The following HDAC11 variants were observed in gnomAD, a reference collection of about 807,000 sequenced individuals.
HDAC11 encodes histone deacetylase 11.
In HDAC11, 23 loss-of-function variants were observed where a neutral mutation model predicts 41.1. The observed-to-expected ratio is 0.56, with a 90% CI of 0.40 to 0.79. The LOEUF (loss-of-function observed/expected upper bound fraction) is 0.79. Among genes scored for constraint, HDAC11 ranks in the 30% least tolerant of loss-of-function variants. The pLI is 0.00. For missense variants in HDAC11, 402 were observed against 477.3 expected (o/e 0.84, Z 1.47); for synonymous variants, 187 against 186.6 (o/e 1.00, Z -0.02).
At chr3:13,487,380 T>C (rs762615412) in intron 3 of HDAC11, among the ~76,000 whole-genome samples, 6 of 152,190 alleles carry the variant, frequency 3.9e-5, no homozygotes, top group Non-Finnish European at 7.3e-5. Context: ...CTCATCCCAT[T>C]CTACCCCCAA....
At chr3:13,486,812 C>G (rs1033059354) in intron 3 of HDAC11, among the ~76,000 whole-genome samples, 4 of 152,094 alleles carry the variant, frequency 2.6e-5, no homozygotes, top group African/African-American at 7.2e-5. Context: ...CTCCTGACCT[C>G]AAGCAATCCA....
rs945178430 is a variant in HDAC11, at chr3:13,504,677, G to C, written c.1038G>C (p.Val346=). ...NSDTPLLPPA[V]P ...ACACACCGCTGCTTCCCCCTGCAGT[G>C]CCCTGACCCTTGCTGCCCTGCCTGT... Residue 346 remains valine (V), a synonymous_variant, in exon 10 of 10, where the codon GTG becomes GTC. Coordinates refer to ENST00000295757, the MANE Select transcript of HDAC11 (RefSeq NM_024827.4). 3.7e-6 allele frequency: 6 copies of C among 1,613,384 alleles called. No individual in the cohort carries two copies. In the African/African-American group the frequency reaches 8.0e-5, roughly 22 times the overall value.
intron 8 of HDAC11, chr3:13,503,230 AAAAG>A (rs1221896898): frequency 9.1e-6 from 3 of 331,062 alleles, no homozygotes; most frequent in African/African-American, 2.1e-5. Flanking sequence ...TGAAAGAAAA[AAAAG>A]AAAAATAGGA....
intron 3 of HDAC11, among the ~76,000 whole-genome samples, chr3:13,484,442 G>T (rs950582831): frequency 1.3e-5 from 2 of 152,214 alleles, no homozygotes; most frequent in African/African-American, 2.4e-5. Context: ...CCAAGGGGCG[G>T]CTCCTCAGCT....
chr3:13,496,663 C>A (rs775671294), intron 3 of HDAC11, 73 bp from the exon 4 acceptor site: 1 of 962,034 alleles, frequency 1.0e-6, no homozygotes, highest in Non-Finnish European at 1.6e-6. Flanking sequence ...AGGCATTTCC[C>A]GGGGAACCAA....
intron 3 of HDAC11, among the ~76,000 whole-genome samples, chr3:13,494,211 T>C (rs1701987328): frequency 6.6e-6 from 1 of 152,234 alleles, no homozygotes; most frequent in South Asian, 2.1e-4. Context: ...CTGCATTGTC[T>C]TCCAGTCTGT....
In HDAC11 at chr3:13,502,840, C is replaced by T; in HGVS notation, c.553-44C>T. 1.3e-6 allele frequency: 2 copies of T among 1,517,642 alleles called. No homozygotes were observed. The highest frequency in any genetic ancestry group is 1.8e-6 in the Non-Finnish European group (2 of 1,094,888). The allele number at this position is 1,517,642 out of a possible 1,614,324, so 94.0% of individuals were successfully genotyped here. ...GGTGGGTGGCAGAGCCCCAGCCTTG[C>T]CTAGGGCACCTACCCGAGAGCGGCT... On this transcript the variant is annotated intron_variant, in intron 7 of 9. Coordinates refer to ENST00000295757, the MANE Select transcript of HDAC11 (RefSeq NM_024827.4). The surrounding 1 kb of genome is among the most constrained non-coding windows in gnomAD (Gnocchi z 4.1).
At position 13,504,497 on chromosome 3, in the gene HDAC11, C is replaced by A; in HGVS notation, c.858C>A (p.Phe286Leu). The stretch of plus-strand genomic sequence containing the variant: ...TCGTGAAGCGGGATGAGCTGGTGTT[C>A]CGGATGGTCCGTGGCCGCCGGGTGC... ...AGIVKRDELV[F>L]RMVRGRRVPI... Residue 286 changes from phenylalanine to leucine, a missense_variant, in exon 10 of 10, where the codon TTC (phenylalanine) becomes TTA (leucine). Coordinates refer to ENST00000295757, the MANE Select transcript of HDAC11 (RefSeq NM_024827.4). The A allele has an allele frequency of 6.2e-7, 1 of 1,613,406 alleles. No individual in the cohort carries two copies. The highest frequency in any genetic ancestry group is 8.5e-7 in the Non-Finnish European group (1 of 1,180,020).
At chr3:13,497,854 C>CCT (rs768859447) in intron 4 of HDAC11, among the ~76,000 whole-genome samples, 2 of 106,080 alleles carry the variant, frequency 1.9e-5, no homozygotes, top group African/African-American at 7.4e-5. Context: ...TCTTTTTTTG[C>CCT]TTTTTTTTTT....
Position 13,504,211 on chromosome 3 carries a change from A to G in HDAC11, c.767A>G (p.Tyr256Cys). Residue 256 changes from tyrosine (Y) to cysteine (C), a missense_variant, in exon 9 of 10, where the codon TAC (tyrosine) becomes TGC (cysteine). Coordinates refer to ENST00000295757, the MANE Select transcript of HDAC11 (RefSeq NM_024827.4). The part of the protein sequence containing the change: ...LQEHLPDVVV[Y>C]NAGTDILEGD... ...GAGCACCTGCCCGACGTGGTGGTAT[A>G]CAATGCAGGCACCGACATCCTCGAG... The G allele has an allele frequency of 1.2e-6, 2 of 1,613,906 alleles. No individual in the cohort carries two copies. Among genetic ancestry groups the G allele is most frequent in the Non-Finnish European group, 1.7e-6 (2 of 1,180,020 alleles).
intron 3 of HDAC11, among the ~76,000 whole-genome samples, chr3:13,490,138 C>T (rs533941585): frequency 1.4e-4 from 22 of 152,134 alleles, no homozygotes; most frequent in African/African-American, 2.9e-4. Flanking sequence ...GGATTACAGG[C>T]GCCCGGCACC....
intron 4 of HDAC11, among the ~76,000 whole-genome samples, chr3:13,497,428 C>G (rs1441979237): frequency 6.6e-6 from 1 of 152,154 alleles, no homozygotes; most frequent in Non-Finnish European, 1.5e-5. Context: ...ATCCACTCAC[C>G]TTGGCCTCCC....
intron 3 of HDAC11, among the ~76,000 whole-genome samples, chr3:13,496,338 G>A (rs891364293): frequency 2.0e-5 from 3 of 152,208 alleles, no homozygotes; most frequent in African/African-American, 7.2e-5. Flanking sequence ...GATCCTCGCT[G>A]CCTAGGCCTC....
At chr3:13,504,336 G>A (rs1574917750) in intron 9 of HDAC11, 64 bp downstream of exon 9, 1 of 1,596,656 alleles carries the variant, frequency 6.3e-7, no homozygotes. Flanking sequence ...AGCAGGAAAG[G>A]TGGGCGGCCT....
At chr3:13,483,602 G>A in intron 3 of HDAC11, 38 bp downstream of exon 3, 1 of 1,523,372 alleles carries the variant, frequency 6.6e-7, no homozygotes, top group Non-Finnish European at 9.1e-7. Context: ...CGGGCCTGGG[G>A]CAGGGGGCTG....
In HDAC11 at chr3:13,505,953, G is replaced by A. The variant is rs1168538184; in HGVS notation, c.*1270G>A. The A allele has an allele frequency of 6.6e-6, 1 of 152,240 alleles. No individual in the cohort carries two copies. Among genetic ancestry groups the A allele is most frequent in the East Asian group, 1.9e-4 (1 of 5,192 alleles). 9.4% of individuals were successfully genotyped at this position (152,240 alleles called of 1,614,324 possible). A position where few individuals can be genotyped will look rare whatever the true frequency, so the allele number is the denominator to read the frequency against. ...GGAGGGAAAGTGGGTCCATTGAGGT[G>A]GCCCTGCTCCATCAGCCCCCTACGG... On this transcript the variant is annotated 3_prime_UTR_variant, in exon 10 of 10. Transcript: ENST00000295757.
intron 3 of HDAC11, 118 bp downstream of exon 3, chr3:13,483,682 C>T: frequency 1.4e-6 from 1 of 738,962 alleles, no homozygotes; most frequent in South Asian, 1.6e-5. Context: ...GGCACCCATT[C>T]ATGTCCCTAG....
At chr3:13,492,063 G>A (rs763441330) in intron 3 of HDAC11, among the ~76,000 whole-genome samples, 3 of 152,254 alleles carry the variant, frequency 2.0e-5, no homozygotes, top group African/African-American at 4.8e-5. Flanking sequence ...CTGAGATGGT[G>A]CAGGCGATTT....
At chr3:13,496,947 G>A in intron 4 of HDAC11, 95 bp downstream of exon 4, 3 of 575,576 alleles carry the variant, frequency 5.2e-6, no homozygotes, top group Non-Finnish European at 9.1e-6. Flanking sequence ...CTCCCACTTA[G>A]TAGTTGAACA....
Sources: allele counts gnomAD v4.1 joint callset (sites outside exome capture counted in the v4.1 genomes callset), GRCh38; gene constraint gnomAD v4.1.1; non-coding constraint Gnocchi (gnomAD v3.1); transcripts MANE v1.5; gene names NCBI Gene and HGNC (gene_info 2026-07-23, HGNC 2026-07-21).